The following PRKG1 variants were observed in gnomAD, a reference collection of about 807,000 sequenced individuals.
PRKG1 encodes the protein cGMP-dependent protein kinase 1.
A neutral mutation model predicts 88.1 loss-of-function variants in PRKG1; 35 were observed. The observed-to-expected ratio is 0.40, with a 90% CI of 0.30 to 0.53. The LOEUF is 0.53. Among genes scored for constraint, PRKG1 ranks in the 20% least tolerant of loss-of-function variants. The pLI, the probability that PRKG1 is intolerant of heterozygous loss-of-function variation, is 0.59. For missense variants in PRKG1, 540 were observed against 839.8 expected, an observed-to-expected ratio of 0.64 and a Z score of 4.41; for synonymous variants, 303 against 292.5, an observed-to-expected ratio of 1.04 and a Z score of -0.37.
chr10:51,371,588 A>G (rs1357242283), intron 2 of PRKG1, among the ~76,000 whole-genome samples: 2 of 152,058 alleles, frequency 1.3e-5, no homozygotes, highest in East Asian at 3.9e-4. Flanking sequence ...TTACTTTCCA[A>G]GTTGCTTTTG....
At chr10:52,033,501 G>T (rs1390795692) in intron 5 of PRKG1, among the ~76,000 whole-genome samples, 1 of 152,090 alleles carries the variant, frequency 6.6e-6, no homozygotes, top group Admixed American at 6.6e-5. Flanking sequence ...TATGGACTAT[G>T]TTTATATCAC....
At chr10:51,628,974 A>C (rs200748274) in intron 3 of PRKG1, among the ~76,000 whole-genome samples, 25 of 142,010 alleles carry the variant, frequency 1.8e-4, no homozygotes, top group Admixed American at 6.4e-4. Flanking sequence ...TCAAAAAAAA[A>C]AAAAACAAAA....
At chr10:52,021,722 A>ATGG (rs1845190335) in intron 5 of PRKG1, among the ~76,000 whole-genome samples, 1 of 152,118 alleles carries the variant, frequency 6.6e-6, no homozygotes, top group South Asian at 2.1e-4. Context: ...ATTTTTTGTG[A>ATGG]TGATGATGAT....
chr10:51,819,587 A>T (rs1839689885), intron 4 of PRKG1, among the ~76,000 whole-genome samples: 1 of 152,144 alleles, frequency 6.6e-6, no homozygotes, highest in East Asian at 1.9e-4. Context: ...TTTGATCTCT[A>T]CAGAGTTAGT....
intron 2 of PRKG1, among the ~76,000 whole-genome samples, chr10:51,216,205 G>GA (rs1242443686): frequency 6.6e-6 from 1 of 152,216 alleles, no homozygotes; most frequent in African/African-American, 2.4e-5. Context: ...CACTGTAGCA[G>GA]AGGATGGAAG....
intron 1 of PRKG1, among the ~76,000 whole-genome samples, chr10:51,076,976 A>G (rs1388314726): frequency 6.6e-6 from 1 of 152,212 alleles, no homozygotes; most frequent in Non-Finnish European, 1.5e-5. Flanking sequence ...AAATGATAGA[A>G]TGCCTTCCAA....
intron 2 of PRKG1, among the ~76,000 whole-genome samples, chr10:51,261,646 G>T (rs548469066): frequency 1.9e-3 from 290 of 152,198 alleles, no homozygotes; most frequent in African/African-American, 6.8e-3. Flanking sequence ...TCTTAAGAAC[G>T]CATTCTTTGG....
chr10:52,065,914 A>G (rs1261847101), intron 7 of PRKG1, among the ~76,000 whole-genome samples: 14 of 152,176 alleles, frequency 9.2e-5, no homozygotes, highest in Non-Finnish European at 1.6e-4. Context: ...AAACAATGTT[A>G]TTTCCAACAG....
At chr10:52,279,927 T>C (rs939609503) in intron 12 of PRKG1, among the ~76,000 whole-genome samples, 9 of 149,926 alleles carry the variant, frequency 6.0e-5, no homozygotes, top group African/African-American at 2.2e-4. Context: ...AAAAGAAAAA[T>C]AGTTAAAGTT....
chr10:51,153,538 C>A (rs1288399789), intron 2 of PRKG1, among the ~76,000 whole-genome samples: 3 of 151,756 alleles, frequency 2.0e-5, no homozygotes. Context: ...TATGAGAATC[C>A]AGTATTTTTT....
chr10:52,208,964 TTTTG>T (rs991316096), intron 9 of PRKG1, among the ~76,000 whole-genome samples: 3 of 152,246 alleles, frequency 2.0e-5, no homozygotes, highest in African/African-American at 4.8e-5. Context: ...TCTAAATGTT[TTTTG>T]TTTGTTTTCA....
intron 5 of PRKG1, among the ~76,000 whole-genome samples, chr10:51,916,355 T>C (rs565838900): frequency 6.6e-6 from 1 of 152,174 alleles, no homozygotes; most frequent in African/African-American, 2.4e-5. Flanking sequence ...ACCATGACAG[T>C]TTACAAATGC....
At chr10:51,141,803 A>G (rs959631307) in intron 1 of PRKG1, among the ~76,000 whole-genome samples, 1 of 152,206 alleles carries the variant, frequency 6.6e-6, no homozygotes, top group African/African-American at 2.4e-5. Context: ...TAAGGTTACA[A>G]ATTGTACATA....
chr10:51,907,568 G>A lies in PRKG1; in HGVS notation c.760G>A (p.Glu254Lys). ...ILSKLADVLE[E>K]THYENGEYII... ...CAGCAAGCTTGCTGATGTCCTTGAA[G>A]AGGTAATTGTTTTTAGCCTTTGAAC... The change falls in exon 5 of 18, where the codon GAG (glutamate) becomes AAG (lysine). Residue 254 changes from glutamate (E) to lysine (K), a missense_variant and splice_region_variant. Physicochemically the swap from Glu to Lys is moderately conservative, Grantham distance 56. Coordinates refer to ENST00000373980, the MANE Select transcript of PRKG1 (RefSeq NM_006258.4). 6.2e-7 allele frequency: 1 copy of A among 1,613,286 alleles called. No homozygotes were observed. Among genetic ancestry groups the A allele is most frequent in the Non-Finnish European group, 8.5e-7 (1 of 1,179,392 alleles).
chr10:51,007,384 T>C (rs1842952254), intron 1 of PRKG1, among the ~76,000 whole-genome samples: 1 of 152,192 alleles, frequency 6.6e-6, no homozygotes, highest in Non-Finnish European at 1.5e-5. Context: ...AGTTAAGTTT[T>C]CTACACAAAT....
At chr10:51,006,786 T>C (rs1842944920) in intron 1 of PRKG1, among the ~76,000 whole-genome samples, 1 of 152,122 alleles carries the variant, frequency 6.6e-6, no homozygotes, top group Non-Finnish European at 1.5e-5. Context: ...TATAGTGATA[T>C]ATTTAGCTGT....
intron 3 of PRKG1, among the ~76,000 whole-genome samples, chr10:51,746,781 A>G (rs1360551405): frequency 1.3e-5 from 2 of 152,026 alleles, no homozygotes; most frequent in Non-Finnish European, 2.9e-5. Context: ...AAAAGAAAAG[A>G]AAAAAGAAAG....
chr10:51,077,561 T>C (rs1843989090), intron 1 of PRKG1, among the ~76,000 whole-genome samples: 2 of 152,336 alleles, frequency 1.3e-5, no homozygotes, highest in South Asian at 4.1e-4. Flanking sequence ...ATTTGGTCAT[T>C]TAAAAATAGT....
At chr10:51,408,598 G>T (rs1028224545) in intron 2 of PRKG1, among the ~76,000 whole-genome samples, 1 of 152,202 alleles carries the variant, frequency 6.6e-6, no homozygotes, top group African/African-American at 2.4e-5. Context: ...CACCCCAAGG[G>T]ATGGTGCCAT....
Sources: allele counts gnomAD v4.1 joint callset (sites outside exome capture counted in the v4.1 genomes callset), GRCh38; gene constraint gnomAD v4.1.1; transcripts MANE v1.5; gene names NCBI Gene and HGNC (gene_info 2026-07-23, HGNC 2026-07-21).